ANKS1B: variants seen among roughly 807,000 people sequenced by gnomAD.
The protein encoded by ANKS1B is ankyrin repeat and sterile alpha motif domain-containing protein 1B.
In ANKS1B, 36 loss-of-function variants were observed where a neutral mutation model predicts 148.3. That is an observed-to-expected ratio of 0.24 (90% CI 0.19 to 0.32). The LOEUF (loss-of-function observed/expected upper bound fraction) is 0.32. ANKS1B is among the 10% of genes least tolerant of loss of function. The pLI, the probability that ANKS1B is intolerant of heterozygous loss-of-function variation, is 1.00. For synonymous variants in ANKS1B, 542 were observed against 560.8 expected (o/e 0.97, Z 0.47); for missense variants, 1,157 against 1,542.6 (o/e 0.75, Z 4.19).
chr12:99,814,253 C>T (rs1403169616), intron 2 of ANKS1B, among the ~76,000 whole-genome samples: 1 of 151,602 alleles, frequency 6.6e-6, no homozygotes, highest in Non-Finnish European at 1.5e-5. Flanking sequence ...CATGACTGTA[C>T]TTAGTCTCAT....
At chr12:99,088,838 G>GGTT (rs2052903365) in intron 15 of ANKS1B, among the ~76,000 whole-genome samples, 1 of 69,848 alleles carries the variant, frequency 1.4e-5, no homozygotes, top group African/African-American at 6.3e-5. Context: ...TTTAACTTCT[G>GGTT]TTTTTTTTTT....
At chr12:98,948,193 T>C (rs2099848354) in intron 17 of ANKS1B, among the ~76,000 whole-genome samples, 1 of 152,228 alleles carries the variant, frequency 6.6e-6, no homozygotes, top group Non-Finnish European at 1.5e-5. Context: ...ATCTGTCTTC[T>C]CTGTATCTTT....
At chr12:99,843,364 A>G (rs1396050842) in intron 1 of ANKS1B, among the ~76,000 whole-genome samples, 1 of 151,976 alleles carries the variant, frequency 6.6e-6, no homozygotes, top group Non-Finnish European at 1.5e-5. Flanking sequence ...CTGGCTATTA[A>G]GCCCAGCATC....
intron 17 of ANKS1B, among the ~76,000 whole-genome samples, chr12:98,845,551 C>T (rs937900723): frequency 5.3e-5 from 8 of 152,088 alleles, no homozygotes; most frequent in Non-Finnish European, 1.2e-4. Flanking sequence ...TCAAGTTTAT[C>T]CATTAATATA....
chr12:99,221,632 A>T (rs2085146005), intron 14 of ANKS1B, among the ~76,000 whole-genome samples: 1 of 152,220 alleles, frequency 6.6e-6, no homozygotes, highest in African/African-American at 2.4e-5. Context: ...CAGCACAAAG[A>T]TACTACTTTT....
At chr12:99,551,190 C>G (rs931549637) in intron 9 of ANKS1B, among the ~76,000 whole-genome samples, 1 of 152,144 alleles carries the variant, frequency 6.6e-6, no homozygotes, top group African/African-American at 2.4e-5. Context: ...GATGAATTAT[C>G]TAATTTTATT....
chr12:99,844,672 T>C (rs557931101), intron 1 of ANKS1B, among the ~76,000 whole-genome samples: 20 of 152,340 alleles, frequency 1.3e-4, no homozygotes, highest in African/African-American at 4.6e-4. Flanking sequence ...GGTAGCATGA[T>C]GCCTCCAGCT....
At chr12:98,996,005 G>A (rs914548700) in intron 17 of ANKS1B, among the ~76,000 whole-genome samples, 3 of 152,038 alleles carry the variant, frequency 2.0e-5, no homozygotes, top group African/African-American at 7.3e-5. Context: ...GCTGGGGAAA[G>A]AACTACCGAA....
chr12:99,765,973 C>A (rs1411802537), intron 8 of ANKS1B, among the ~76,000 whole-genome samples: 2 of 152,138 alleles, frequency 1.3e-5, no homozygotes, highest in Admixed American at 6.6e-5. Flanking sequence ...GTAGGACTCA[C>A]AATCTCATGC....
At chr12:99,447,595 T>C (rs2095656228) in intron 10 of ANKS1B, among the ~76,000 whole-genome samples, 1 of 151,970 alleles carries the variant, frequency 6.6e-6, no homozygotes, top group African/African-American at 2.4e-5. Context: ...AGAGCAAAAA[T>C]AGACAAATGG....
chr12:99,375,152 TCTTAA>T (rs1294524110), intron 12 of ANKS1B, among the ~76,000 whole-genome samples: 1 of 152,224 alleles, frequency 6.6e-6, no homozygotes. Flanking sequence ...TATCAGGGCT[TCTTAA>T]CTTCAGCACT....
At chr12:99,343,307 AT>A (rs2090192265) in intron 12 of ANKS1B, among the ~76,000 whole-genome samples, 1 of 152,056 alleles carries the variant, frequency 6.6e-6, no homozygotes, top group East Asian at 1.9e-4. Flanking sequence ...ATGATTCACA[AT>A]TGTTTTTAAA....
rs187460855 is a variant in ANKS1B at position 99,600,220 on chromosome 12, C to A, written c.1272+54847G>T. ...CTCAGGGTCCTGGTGCTAGGGACCTCATAAATGCTGAAAAGAACTGTTAAT... is the reference window on the plus strand; with the variant it reads ...CTCAGGGTCCTGGTGCTAGGGACCTAATAAATGCTGAAAAGAACTGTTAAT... On this transcript the variant is annotated intron_variant, in intron 9 of 26. Coordinates refer to ENST00000683438, the MANE Select transcript of ANKS1B (RefSeq NM_001352186.2). Among the ~76,000 whole-genome samples the A allele has an allele frequency of 1.3e-4, 20 of 152,010 alleles. 1 individual carries two copies. The highest frequency in any genetic ancestry group is 1.3e-3 in the Admixed American group (20 of 15,256).
intron 12 of ANKS1B, among the ~76,000 whole-genome samples, chr12:99,344,541 C>T (rs1005581993): frequency 3.9e-5 from 6 of 152,092 alleles, no homozygotes; most frequent in South Asian, 2.1e-4. Context: ...CAAAGAAGAA[C>T]GAATTTGTGG....
rs78310857 is a variant in ANKS1B at position 99,212,211 on chromosome 12, G to T, written c.2419+32131C>A. 8.6e-3 allele frequency among the ~76,000 whole-genome samples: 1,306 copies of T among 152,228 alleles called. 23 individuals carry two copies. Among genetic ancestry groups the T allele is most frequent in the African/African-American group, 0.03 (1,253 of 41,522 alleles). On this transcript the variant is annotated intron_variant, in intron 14 of 26. Transcript: ENST00000683438. ...GCCCCAAACCTTCACTAGGGTTATC[G>T]CCTAAAAAAGGTAGCCTGGGAGTTA...
intron 1 of ANKS1B, among the ~76,000 whole-genome samples, chr12:99,833,680 G>T (rs2084379623): frequency 6.6e-6 from 1 of 152,096 alleles, no homozygotes; most frequent in South Asian, 2.1e-4. Context: ...AAATGGAAAA[G>T]AAATAGGAAA....
chr12:99,919,720 C>T (rs1241121699), intron 1 of ANKS1B, among the ~76,000 whole-genome samples: 1 of 146,170 alleles, frequency 6.8e-6, no homozygotes, highest in Non-Finnish European at 1.5e-5. Flanking sequence ...CCTCTAGCCA[C>T]AGGTGGCAAA....
intron 17 of ANKS1B, among the ~76,000 whole-genome samples, chr12:98,884,668 G>A (rs990035677): frequency 3.4e-4 from 51 of 151,430 alleles, no homozygotes; most frequent in Admixed American, 5.9e-4. Flanking sequence ...GCGCGGTGGC[G>A]GGCGCCTGTA....
intron 9 of ANKS1B, among the ~76,000 whole-genome samples, chr12:99,538,547 A>T (rs1360272897): frequency 6.6e-6 from 1 of 152,000 alleles, no homozygotes; most frequent in Non-Finnish European, 1.5e-5. Flanking sequence ...TCTTTGTCAC[A>T]TTGTTCACTA....
Sources: allele counts gnomAD v4.1 joint callset (sites outside exome capture counted in the v4.1 genomes callset), GRCh38; gene constraint gnomAD v4.1.1; transcripts MANE v1.5; gene names NCBI Gene and HGNC (gene_info 2026-07-23, HGNC 2026-07-21).